The following SPOCK1 variants were observed in gnomAD, a reference collection of about 807,000 sequenced individuals.
SPOCK1 encodes the protein testican-1.
A neutral mutation model predicts 55.3 loss-of-function variants in SPOCK1; 23 were observed. The observed-to-expected ratio is 0.42, with a 90% confidence interval of 0.30 to 0.59. SPOCK1 has a LOEUF of 0.59. Ranked by LOEUF, SPOCK1 falls within the 20% of genes least tolerant of loss-of-function variation. The pLI, the probability that SPOCK1 is intolerant of heterozygous loss-of-function variation, is 0.22. For missense variants in SPOCK1, 499 were observed against 552.5 expected (o/e 0.90, Z 0.97); for synonymous variants, 226 against 221.0 (o/e 1.02, Z -0.20).
At chr5:137,051,066 G>A (rs1169922482) in intron 6 of SPOCK1, among the ~76,000 whole-genome samples, 1 of 152,142 alleles carries the variant, frequency 6.6e-6, no homozygotes, top group Non-Finnish European at 1.5e-5. Flanking sequence ...AATATCGTCG[G>A]AGAGAATAGA....
chr5:137,414,493 G>C (rs987626296), intron 2 of SPOCK1, among the ~76,000 whole-genome samples: 5 of 152,150 alleles, frequency 3.3e-5, no homozygotes, highest in African/African-American at 4.8e-5. Context: ...CTAGAGTAAA[G>C]ACATCTTTAT....
chr5:137,403,635 G>T (rs1391678370), intron 2 of SPOCK1, among the ~76,000 whole-genome samples: 6 of 151,968 alleles, frequency 3.9e-5, no homozygotes, highest in Non-Finnish European at 8.8e-5. Context: ...GGTGAGGGAG[G>T]CCTCCTTGGT....
rs560926546 is a variant in SPOCK1, at chr5:137,021,449, C to A, written c.590-28849G>T. 4.6e-5 allele frequency among the ~76,000 whole-genome samples: 7 copies of A among 152,268 alleles called. No homozygotes were observed. The East Asian group carries it at 1.2e-3, about 25-fold the overall frequency. Reference sequence around the variant, plus strand: ...GAGAGGATGGGGTTAGGAGGTGACACAAGGTAACTTGGAAATTAATGGCAA... The same window carrying A: ...GAGAGGATGGGGTTAGGAGGTGACAAAAGGTAACTTGGAAATTAATGGCAA... On this transcript the variant is annotated intron_variant, in intron 6 of 10. Transcript: ENST00000394945.
At chr5:137,404,575 AT>A (rs67609274) in intron 2 of SPOCK1, among the ~76,000 whole-genome samples, 47,511 of 137,660 alleles carry the variant, frequency 0.35, 7,913 homozygotes, top group East Asian at 0.48. Flanking sequence ...CACCCAGCTA[AT>A]TTTTTTTTTT....
At chr5:137,019,214 G>C (rs545992648) in intron 6 of SPOCK1, among the ~76,000 whole-genome samples, 6 of 152,108 alleles carry the variant, frequency 3.9e-5, no homozygotes, top group Non-Finnish European at 8.8e-5. Flanking sequence ...AATTATAAAT[G>C]CTATACTTGC....
At chr5:137,449,227 G>C (rs931003522) in intron 2 of SPOCK1, among the ~76,000 whole-genome samples, 10 of 152,168 alleles carry the variant, frequency 6.6e-5, no homozygotes, top group African/African-American at 2.4e-4. Context: ...CTTCTGCCCA[G>C]TGCAACAAAA....
chr5:137,186,771 C>T (rs1253811823), intron 3 of SPOCK1, among the ~76,000 whole-genome samples: 1 of 152,182 alleles, frequency 6.6e-6, no homozygotes, highest in Non-Finnish European at 1.5e-5. Context: ...TGCTGGTCTC[C>T]ATCCAGTGTA....
At chr5:137,165,901 A>T (rs1321146793) in intron 3 of SPOCK1, among the ~76,000 whole-genome samples, 1 of 152,114 alleles carries the variant, frequency 6.6e-6, no homozygotes, top group Non-Finnish European at 1.5e-5. Flanking sequence ...AATAAAGCTC[A>T]CATAAAAGAT....
intron 2 of SPOCK1, among the ~76,000 whole-genome samples, chr5:137,388,232 G>C (rs922242855): frequency 1.3e-5 from 2 of 152,186 alleles, no homozygotes; most frequent in African/African-American, 4.8e-5. Flanking sequence ...GAGTGGATGA[G>C]AGTTTCATCT....
intron 2 of SPOCK1, among the ~76,000 whole-genome samples, chr5:137,446,966 G>A (rs1448639599): frequency 6.6e-6 from 1 of 152,136 alleles, no homozygotes; most frequent in Non-Finnish European, 1.5e-5. Flanking sequence ...CATCCATGTT[G>A]TAACATGTGA....
chr5:136,976,286 A>T lies in SPOCK1; in HGVS notation c.*2368T>A, dbSNP rs1750614325. 1 of 152,518 alleles carries T rather than the reference A, an allele frequency of 6.6e-6. No individual in the cohort carries two copies. The highest frequency in any genetic ancestry group is 1.5e-5 in the Non-Finnish European group (1 of 68,040). 9.4% of individuals were successfully genotyped at this position (152,518 alleles called of 1,614,324 possible). A position where few individuals can be genotyped will look rare whatever the true frequency, so the allele number is the denominator to read the frequency against. On this transcript the variant is annotated 3_prime_UTR_variant, in exon 11 of 11. Transcript: ENST00000394945. ...GGGCTTTTTATTTAATGTTTTAATG[A>T]ATCAAAATATCTTCTTAGAATGTCT...
intron 2 of SPOCK1, among the ~76,000 whole-genome samples, chr5:137,386,358 T>C (rs534613122): frequency 6.6e-5 from 10 of 152,356 alleles, no homozygotes; most frequent in Middle Eastern, 3.4e-3. Flanking sequence ...TTTGTGGATA[T>C]TGACACACTG....
At chr5:137,084,704 T>TA (rs1046928532) in intron 5 of SPOCK1, among the ~76,000 whole-genome samples, 9 of 151,622 alleles carry the variant, frequency 5.9e-5, no homozygotes, top group African/African-American at 1.9e-4. Context: ...TTACCAAGCC[T>TA]AAAAAAACCC....
chr5:137,303,049 C>T (rs1031817256), intron 2 of SPOCK1, among the ~76,000 whole-genome samples: 1 of 152,176 alleles, frequency 6.6e-6, no homozygotes, highest in Non-Finnish European at 1.5e-5. Flanking sequence ...TTGGCTGAGA[C>T]ACACAGCTAG....
chr5:137,251,811 G>C (rs1756535349), intron 3 of SPOCK1, among the ~76,000 whole-genome samples: 2 of 152,188 alleles, frequency 1.3e-5, no homozygotes. Context: ...CCATTCCTCA[G>C]AGATAATACA....
intron 3 of SPOCK1, among the ~76,000 whole-genome samples, chr5:137,176,235 C>G (rs930237115): frequency 6.6e-6 from 1 of 152,176 alleles, no homozygotes; most frequent in Non-Finnish European, 1.5e-5. Flanking sequence ...GTTCCTTAAT[C>G]ACACAAATGG....
chr5:137,031,342 T>C (rs1751775509), intron 6 of SPOCK1, among the ~76,000 whole-genome samples: 1 of 152,228 alleles, frequency 6.6e-6, no homozygotes, highest in South Asian at 2.1e-4. Context: ...ATTCACCGGC[T>C]CTCATGTTGA....
At chr5:137,024,597 C>G (rs1751635546) in intron 6 of SPOCK1, among the ~76,000 whole-genome samples, 1 of 149,168 alleles carries the variant, frequency 6.7e-6, no homozygotes, top group Admixed American at 6.7e-5. Flanking sequence ...AGGAAGGGAG[C>G]CATCTGACAT....
intron 2 of SPOCK1, among the ~76,000 whole-genome samples, chr5:137,430,167 C>A (rs182385774): frequency 1.2e-4 from 18 of 152,336 alleles, no homozygotes; most frequent in African/African-American, 4.3e-4. Context: ...GCACACAGAG[C>A]CACATGGCAG....
Sources: gnomAD v4.1 joint callset for allele counts (sites outside exome capture counted in the v4.1 genomes callset) on GRCh38, gnomAD v4.1.1 for gene constraint, MANE v1.5 for transcripts, NCBI Gene and HGNC (gene_info 2026-07-23, HGNC 2026-07-21) for gene names.